The following INTS10 variants were observed in gnomAD, a reference collection of about 807,000 sequenced individuals.
INTS10 encodes the protein chromosome 8 open reading frame 35.
INTS10 carries 44 observed loss-of-function variants against 94.4 expected under a neutral mutation model. That is an observed-to-expected ratio of 0.47 (90% confidence interval 0.37 to 0.60). The LOEUF (loss-of-function observed/expected upper bound fraction) is 0.60, where lower values mean the gene tolerates loss of function less well. Ranked by LOEUF, INTS10 falls within the 20% of genes least tolerant of loss-of-function variation. The pLI is 0.00. For missense variants in INTS10, 797 were observed against 868.7 expected, an observed-to-expected ratio of 0.92 and a Z score of 1.04; for synonymous variants, 341 against 320.7, an observed-to-expected ratio of 1.06 and a Z score of -0.68.
chr8:19,836,740 C>T lies in INTS10; in HGVS notation c.1531-312C>T, dbSNP rs569084430. Among the ~76,000 whole-genome samples, 23 of 152,326 alleles carry T rather than the reference C, an allele frequency of 1.5e-4. No homozygotes were observed. In the South Asian group the frequency reaches 2.9e-3, roughly 19 times the overall value. The stretch of plus-strand genomic sequence containing the variant: ...TTAGTCAGTATCTTTCAGGCAGGGA[C>T]ATCTTTCTTTTGGCTGCTGCTGTGC... On this transcript the variant is annotated intron_variant, in intron 12 of 16. Coordinates refer to ENST00000397977, the MANE Select transcript of INTS10 (RefSeq NM_018142.4).
chr8:19,826,474 C>T lies in INTS10; in HGVS notation c.1055C>T (p.Ser352Leu), dbSNP rs200349817. Residue 352 changes from serine to leucine, a missense_variant, in exon 9 of 17, where the codon TCG (serine) becomes TTG (leucine). Ser to Leu is a moderately radical substitution (Grantham distance 145, BLOSUM62 -2). Around this residue, in one of 3 missense-constraint regions of INTS10, gnomAD observed 734 missense variants for 787.8 expected, o/e 0.93. Coordinates refer to ENST00000397977, the MANE Select transcript of INTS10 (RefSeq NM_018142.4). ...QVPLVLLEDVSNVYGDVEIDR... is the reference protein window; with the variant it reads ...QVPLVLLEDVLNVYGDVEIDR... ...CCACTGGTTCTTCTTGAAGATGTATCGAATGTGTATGGTGATGTAGAAATT... is the reference window on the plus strand; with the variant it reads ...CCACTGGTTCTTCTTGAAGATGTATTGAATGTGTATGGTGATGTAGAAATT... The T allele has an allele frequency of 3.2e-5, 52 of 1,612,300 alleles. No individual in the cohort carries two copies. Among genetic ancestry groups the T allele is most frequent in the East Asian group, 2.2e-4 (10 of 44,792 alleles).
chr8:19,829,897 G>C (rs1456052459), intron 9 of INTS10, among the ~76,000 whole-genome samples: 1 of 152,110 alleles, frequency 6.6e-6, no homozygotes, highest in East Asian at 1.9e-4. Context: ...CAAACTCCTG[G>C]CCTTAAGTGA....
Position 19,823,415 on chromosome 8 carries a change from C to A in INTS10, c.638C>A (p.Ser213Tyr). ...AEFYINYVTRSTQIENQHQGA... is the reference protein window; with the variant it reads ...AEFYINYVTRYTQIENQHQGA... ...TTTTATATCAATTATGTCACTAGGT[C>A]TACTCAAATAGAAAATCAGCATCAA... The change falls in exon 6 of 17, where the codon TCT (serine) becomes TAT (tyrosine). Residue 213 changes from serine (S) to tyrosine (Y), a missense_variant. Transcript: ENST00000397977. The A allele has an allele frequency of 6.2e-7, 1 of 1,604,532 alleles. No homozygotes were observed. The highest frequency in any genetic ancestry group is 8.5e-7 in the Non-Finnish European group (1 of 1,171,738).
chr8:19,839,031 C>T (rs1340364924), intron 13 of INTS10, among the ~76,000 whole-genome samples: 3 of 151,802 alleles, frequency 2.0e-5, no homozygotes, highest in East Asian at 1.9e-4. Flanking sequence ...GAGATTGCGC[C>T]ACTACACTCC....
chr8:19,841,458 A>T (rs2068117664), intron 13 of INTS10, among the ~76,000 whole-genome samples: 1 of 152,182 alleles, frequency 6.6e-6, no homozygotes, highest in African/African-American at 2.4e-5. Flanking sequence ...GCTCCTTCAG[A>T]CCAATAGGAA....
At chr8:19,836,272 G>T (rs539410816) in intron 12 of INTS10, among the ~76,000 whole-genome samples, 1 of 151,474 alleles carries the variant, frequency 6.6e-6, no homozygotes, top group Non-Finnish European at 1.5e-5. Flanking sequence ...GAGAACAAAA[G>T]GGTTTGCTTG....
intron 16 of INTS10, among the ~76,000 whole-genome samples, chr8:19,847,675 G>A (rs1197343392): frequency 2.0e-5 from 3 of 152,188 alleles, no homozygotes; most frequent in Admixed American, 6.5e-5. Context: ...AAAATCAACA[G>A]TTGAACCTCA....
intron 12 of INTS10, among the ~76,000 whole-genome samples, chr8:19,834,185 G>A (rs938159231): frequency 2.2e-4 from 33 of 152,134 alleles, no homozygotes; most frequent in African/African-American, 6.8e-4. Flanking sequence ...AATGATAACC[G>A]TGTTGTTGTG....
At chr8:19,823,172 G>C (rs2066519734) in intron 5 of INTS10, 129 bp from the exon 6 acceptor site, 2 of 685,116 alleles carry the variant, frequency 2.9e-6, no homozygotes, top group Non-Finnish European at 5.0e-6. Flanking sequence ...GAATACATGA[G>C]TCATAAGGGA....
chr8:19,850,977 C>T (rs771845110), intron 16 of INTS10, among the ~76,000 whole-genome samples: 2 of 152,210 alleles, frequency 1.3e-5, no homozygotes, highest in Non-Finnish European at 2.9e-5. Flanking sequence ...CCCTCTGCCC[C>T]TCAGAGATTC....
At chr8:19,830,125 T>C (rs1353702720) in intron 9 of INTS10, among the ~76,000 whole-genome samples, 1 of 152,222 alleles carries the variant, frequency 6.6e-6, no homozygotes, top group Non-Finnish European at 1.5e-5. Context: ...AAAATTGATA[T>C]TTTTAAACTT....
At chr8:19,834,583 C>T (rs1237992926) in intron 12 of INTS10, among the ~76,000 whole-genome samples, 1 of 152,192 alleles carries the variant, frequency 6.6e-6, no homozygotes, top group Non-Finnish European at 1.5e-5. Flanking sequence ...ACAAGACAGA[C>T]TTGTCTAACT....
chr8:19,818,155 C>A lies in INTS10; in HGVS notation c.130-120C>A, dbSNP rs547282384. On this transcript the variant is annotated intron_variant, in intron 1 of 16. Coordinates refer to ENST00000397977, the MANE Select transcript of INTS10 (RefSeq NM_018142.4). ...CTGCCATGTATGTGGCGCTGTGTCA[C>A]CAGGCGGAGCTTCACTCTCAGGCCC... is the stretch of plus-strand genomic sequence containing the variant. The A allele has an allele frequency of 1.9e-3, 1,796 of 944,528 alleles. 8 individuals carry two copies. The highest frequency in any genetic ancestry group is 2.8e-3 in the Non-Finnish European group (1,585 of 575,120). 58.5% of individuals were successfully genotyped at this position (944,528 alleles called of 1,614,324 possible). A position where few individuals can be genotyped will look rare whatever the true frequency, so the allele number is the denominator to read the frequency against.
Position 19,823,354 on chromosome 8 carries a change from A to G in INTS10, c.577A>G (p.Asn193Asp). 6.2e-7 allele frequency: 1 copy of G among 1,602,402 alleles called. No individual in the cohort carries two copies. Among genetic ancestry groups the G allele is most frequent in the Non-Finnish European group, 8.6e-7 (1 of 1,169,342 alleles). ...INNHDVRLPA[N>D]LLYKYLNKAA... ...CAACCATGATGTTCGATTACCTGCC[A>G]ATTTATTGTATAAGTACTTGAACAA... is the stretch of plus-strand genomic sequence containing the variant. Residue 193 changes from asparagine to aspartate, a missense_variant, in exon 6 of 17, where the codon AAT becomes GAT. By Grantham distance (23) the Asn-to-Asp change is conservative. Coordinates refer to ENST00000397977, the MANE Select transcript of INTS10 (RefSeq NM_018142.4).
At chr8:19,841,857 T>C (rs1293824733) in intron 13 of INTS10, 1 of 455,762 alleles carries the variant, frequency 2.2e-6, no homozygotes, top group African/African-American at 2.0e-5. Flanking sequence ...AATTTTCTTT[T>C]TTAATGAGAT....
chr8:19,845,727 G>C lies in INTS10; in HGVS notation c.1906G>C (p.Ala636Pro). The change falls in exon 16 of 17, where the codon GCC becomes CCC. Residue 636 changes from alanine (A) to proline (P), a missense_variant. Ala to Pro is a conservative substitution (Grantham distance 27). Coordinates refer to ENST00000397977, the MANE Select transcript of INTS10 (RefSeq NM_018142.4). The stretch of plus-strand genomic sequence containing the variant: ...AGATATTGATATGCTGGAGGAATTT[G>C]CCTACTTGAGAACTCAGGAAGGTGG... ...VTNIDMLEEF[A>P]YLRTQEGGKI... 6.2e-7 allele frequency: 1 copy of C among 1,613,476 alleles called. No homozygotes were observed. Among genetic ancestry groups the C allele is most frequent in the Non-Finnish European group, 8.5e-7 (1 of 1,179,420 alleles).
chr8:19,850,983 G>A (rs2068983083), intron 16 of INTS10, among the ~76,000 whole-genome samples: 2 of 152,158 alleles, frequency 1.3e-5, no homozygotes, highest in Admixed American at 1.3e-4. Flanking sequence ...GCCCCTCAGA[G>A]ATTCTGCCTC....
At chr8:19,835,001 C>G (rs1465393148) in intron 12 of INTS10, among the ~76,000 whole-genome samples, 2 of 152,106 alleles carry the variant, frequency 1.3e-5, no homozygotes, top group Admixed American at 1.3e-4. Flanking sequence ...CTCCCAAAGG[C>G]TGTCCCTCCT....
chr8:19,822,526 G>A lies in INTS10; in HGVS notation c.523+6G>A. ...CTGCTTTAGAAAATTATTTGGTAAGGAAAATTGTATTCTCTATTACTTCTA... is the reference window on the plus strand; with the variant it reads ...CTGCTTTAGAAAATTATTTGGTAAGAAAAATTGTATTCTCTATTACTTCTA... On this transcript the variant is annotated splice_donor_region_variant and intron_variant, in intron 5 of 16. Coordinates refer to ENST00000397977, the MANE Select transcript of INTS10 (RefSeq NM_018142.4). The A allele has an allele frequency of 6.5e-7, 1 of 1,540,264 alleles. No homozygotes were observed. The highest frequency in any genetic ancestry group is 2.3e-5 in the East Asian group (1 of 43,816).
Sources: allele counts gnomAD v4.1 joint callset (sites outside exome capture counted in the v4.1 genomes callset), GRCh38; gene constraint gnomAD v4.1.1; regional missense constraint gnomAD v4.1.1; transcripts MANE v1.5; gene names NCBI Gene and HGNC (gene_info 2026-07-23, HGNC 2026-07-21).